TRDMT1: variants seen among roughly 807,000 people sequenced by gnomAD.
TRDMT1 encodes the protein tRNA aspartic acid methyltransferase 1.
A neutral mutation model predicts 51.2 loss-of-function variants in TRDMT1; 49 were observed. The ratio of observed to expected loss-of-function variants is 0.96; its 90% CI spans 0.76 to 1.21. The LOEUF is 1.21. Among genes scored for constraint, TRDMT1 ranks in the 50% most tolerant of loss-of-function variants. TRDMT1 has a pLI of 0.00. For synonymous variants in TRDMT1, 187 were observed against 164.6 expected, an observed-to-expected ratio of 1.14 and a Z score of -1.04; for missense variants, 534 against 462.3, an observed-to-expected ratio of 1.16 and a Z score of -1.42.
intron 5 of TRDMT1, among the ~76,000 whole-genome samples, chr10:17,160,884 A>C (rs1840259654): frequency 6.6e-6 from 1 of 152,244 alleles, no homozygotes; most frequent in Non-Finnish European, 1.5e-5. Context: ...AAAGATATAC[A>C]TAATTCATTA....
chr10:17,191,746 G>C (rs961690587), intron 1 of TRDMT1, among the ~76,000 whole-genome samples: 2 of 152,150 alleles, frequency 1.3e-5, no homozygotes, highest in African/African-American at 2.4e-5. Flanking sequence ...AGGAGGGAGA[G>C]AGTGTATCTT....
At position 17,148,891 on chromosome 10, in the gene TRDMT1, A is replaced by AT. The variant is rs1838343520; in HGVS notation, c.*148dup. On this transcript the variant is annotated 3_prime_UTR_variant, in exon 11 of 11. Coordinates refer to ENST00000377799, the MANE Select transcript of TRDMT1 (RefSeq NM_004412.7). ...AATATAAATTTGATGAAACACATGG[A>AT]TTTTTTTAATAAAATCCAAATTTCT... 31 of 1,274,402 alleles carry AT rather than the reference A, an allele frequency of 2.4e-5. No homozygotes were observed. Among genetic ancestry groups the AT allele is most frequent in the East Asian group, 5.8e-5 (2 of 34,716 alleles). The allele number at this position is 1,274,402 out of a possible 1,614,324, so 78.9% of individuals were successfully genotyped here.
At position 17,139,092 on chromosome 10, in the gene TRDMT1, G is replaced by C. The variant is rs1395150215; in HGVS notation, c.*9948C>G. Reference sequence around the variant, plus strand: ...TCTACCTCCAACAGCTCCCGGAATGGGGACTTCAGCAGCTCCATTGGATTA... The same window carrying C: ...TCTACCTCCAACAGCTCCCGGAATGCGGACTTCAGCAGCTCCATTGGATTA... On this transcript the variant is annotated 3_prime_UTR_variant, in exon 11 of 11. Coordinates refer to ENST00000377799, the MANE Select transcript of TRDMT1 (RefSeq NM_004412.7). 1 of 828,576 alleles carries C rather than the reference G, an allele frequency of 1.2e-6. No homozygotes were observed. The highest frequency in any genetic ancestry group is 1.9e-5 in the African/African-American group (1 of 53,888). The allele number at this position is 828,576 out of a possible 1,614,324, so 51.3% of individuals were successfully genotyped here. A position where few individuals can be genotyped will look rare whatever the true frequency, so the allele number is the denominator to read the frequency against.
chr10:17,196,037 G>A (rs1309633714), intron 1 of TRDMT1, among the ~76,000 whole-genome samples: 4 of 152,124 alleles, frequency 2.6e-5, no homozygotes, highest in African/African-American at 4.8e-5. Flanking sequence ...ACACTTCATC[G>A]TAATGTAGTT....
chr10:17,177,714 A>ACACACACACACACG (rs1554764035), intron 1 of TRDMT1, among the ~76,000 whole-genome samples: 1 of 5,452 alleles, frequency 1.8e-4, no homozygotes, highest in Non-Finnish European at 5.5e-4. Flanking sequence ...TAGACAAGAA[A>ACACACACACACACG]CACACACACA....
intron 1 of TRDMT1, among the ~76,000 whole-genome samples, chr10:17,181,497 A>T (rs1249349315): frequency 1.3e-5 from 2 of 152,324 alleles, no homozygotes; most frequent in Admixed American, 6.5e-5. Flanking sequence ...CTATTAATTG[A>T]ATACATACAA....
Position 17,142,637 on chromosome 10 carries a change from G to A in TRDMT1, c.*6403C>T, listed in dbSNP as rs2131350525. 6.6e-6 allele frequency: 1 copy of A among 152,342 alleles called. No individual in the cohort carries two copies. The highest frequency in any genetic ancestry group is 1.5e-5 in the Non-Finnish European group (1 of 68,084). 9.4% of individuals were successfully genotyped at this position (152,342 alleles called of 1,614,324 possible). On this transcript the variant is annotated 3_prime_UTR_variant, in exon 11 of 11. Coordinates refer to ENST00000377799, the MANE Select transcript of TRDMT1 (RefSeq NM_004412.7). ...GGATTCCTGATATACCCCCGTGCTGGTAGAGCCAGACTCATCTGGTATTAC... is the reference window on the plus strand; with the variant it reads ...GGATTCCTGATATACCCCCGTGCTGATAGAGCCAGACTCATCTGGTATTAC...
chr10:17,148,705 A>C lies in TRDMT1; in HGVS notation c.*335T>G. ...AAAAATATGTTATGCCTGTTATGAC[A>C]CTTCACAAGATACTCATGTAGACAC... On this transcript the variant is annotated 3_prime_UTR_variant, in exon 11 of 11. Transcript: ENST00000377799. The C allele has an allele frequency of 2.0e-6, 2 of 990,322 alleles. No homozygotes were observed. The highest frequency in any genetic ancestry group is 9.4e-5 in the South Asian group (2 of 21,358). 61.3% of individuals were successfully genotyped at this position (990,322 alleles called of 1,614,324 possible).
At chr10:17,164,249 C>T (rs1320257768) in intron 3 of TRDMT1, among the ~76,000 whole-genome samples, 3 of 152,178 alleles carry the variant, frequency 2.0e-5, no homozygotes, top group East Asian at 1.9e-4. Context: ...AGCATATAAA[C>T]AGAACCAACG....
intron 10 of TRDMT1, chr10:17,150,280 G>A (rs1838514467): frequency 1.8e-6 from 1 of 551,508 alleles, no homozygotes; most frequent in African/African-American, 2.1e-5. Context: ...TATTCCTTTT[G>A]GAGAAATGTT....
Position 17,160,734 on chromosome 10 carries a change from G to C in TRDMT1, c.390-360C>G, listed in dbSNP as rs184672654. ...GATCCACCCGCCTCGGCCTCCCAAA[G>C]TGCTGGGATTACAGGCGTGAGCCAC... On this transcript the variant is annotated intron_variant, in intron 5 of 10. Transcript: ENST00000377799. Among the ~76,000 whole-genome samples, 784 of 152,264 alleles carry C rather than the reference G, an allele frequency of 5.1e-3. 6 individuals are homozygous for C. The highest frequency in any genetic ancestry group is 0.018 in the African/African-American group (730 of 41,546).
At chr10:17,155,527 G>A (rs1407981198) in intron 8 of TRDMT1, among the ~76,000 whole-genome samples, 1 of 152,050 alleles carries the variant, frequency 6.6e-6, no homozygotes, top group Non-Finnish European at 1.5e-5. Flanking sequence ...CAGTGCCACT[G>A]ATCCTATGTC....
rs1483876789 is a variant in TRDMT1 at position 17,140,991 on chromosome 10, C to T, written c.*8049G>A. Among the ~76,000 whole-genome samples, 2 of 152,088 alleles carry T rather than the reference C, an allele frequency of 1.3e-5. No homozygotes were observed. Among genetic ancestry groups the T allele is most frequent in the African/African-American group, 4.8e-5 (2 of 41,414 alleles). On this transcript the variant is annotated 3_prime_UTR_variant, in exon 11 of 11. Coordinates refer to ENST00000377799, the MANE Select transcript of TRDMT1 (RefSeq NM_004412.7). Reference sequence around the variant, plus strand: ...GCATAGAGGTATATGTGTATCGATACATATATAGATAAAACAGAGATCTCT... The same window carrying T: ...GCATAGAGGTATATGTGTATCGATATATATATAGATAAAACAGAGATCTCT...
chr10:17,185,103 G>A (rs944945924), intron 1 of TRDMT1, among the ~76,000 whole-genome samples: 2 of 152,154 alleles, frequency 1.3e-5, no homozygotes, highest in Admixed American at 6.5e-5. Flanking sequence ...GATTAAATGA[G>A]TTAATAACTA....
At chr10:17,155,822 T>C in intron 8 of TRDMT1, among the ~76,000 whole-genome samples, 1 of 152,228 alleles carries the variant, frequency 6.6e-6, no homozygotes, top group Non-Finnish European at 1.5e-5. Flanking sequence ...TATAAATACG[T>C]GTGTATATAC....
intron 1 of TRDMT1, among the ~76,000 whole-genome samples, chr10:17,183,896 T>C (rs191332000): frequency 6.6e-6 from 1 of 152,146 alleles, no homozygotes; most frequent in Admixed American, 6.6e-5. Context: ...CTGTGACCTG[T>C]CACAGGCACA....
chr10:17,181,369 T>G (rs12782687), intron 1 of TRDMT1, among the ~76,000 whole-genome samples: 50,895 of 152,020 alleles, frequency 0.33, 9,047 homozygotes, highest in African/African-American at 0.44. Flanking sequence ...CCCAGGACAG[T>G]GGCTCCCTCA....
At chr10:17,155,652 G>A (rs1839394219) in intron 8 of TRDMT1, among the ~76,000 whole-genome samples, 1 of 152,148 alleles carries the variant, frequency 6.6e-6, no homozygotes, top group African/African-American at 2.4e-5. Flanking sequence ...GTCATTAGCA[G>A]TATTTCTCTC....
intron 1 of TRDMT1, among the ~76,000 whole-genome samples, chr10:17,176,135 C>A (rs1842592273): frequency 6.6e-6 from 1 of 152,166 alleles, no homozygotes; most frequent in Non-Finnish European, 1.5e-5. Flanking sequence ...CATTTGCAAA[C>A]ACAAAACTAT....
Sources: gnomAD v4.1 joint callset for allele counts (sites outside exome capture counted in the v4.1 genomes callset) on GRCh38, gnomAD v4.1.1 for gene constraint, MANE v1.5 for transcripts, NCBI Gene and HGNC (gene_info 2026-07-23, HGNC 2026-07-21) for gene names.